Variants in DOCK3 observed in about 807,000 individuals in gnomAD.
DOCK3 encodes dedicator of cytokinesis 3, also known as dedicator of cytokinesis protein 3.
Under a neutral mutation model 265.6 loss-of-function variants are expected in DOCK3, and 60 were observed. The ratio of observed to expected loss-of-function variants is 0.23; its 90% CI spans 0.18 to 0.28. DOCK3 has a LOEUF of 0.28. Ranked by LOEUF, DOCK3 falls within the 10% of genes least tolerant of loss-of-function variation. DOCK3 has a pLI of 1.00. For missense variants in DOCK3, 1,981 were observed against 2,594.3 expected, an observed-to-expected ratio of 0.76 and a Z score of 5.14; for synonymous variants, 881 against 938.0, an observed-to-expected ratio of 0.94 and a Z score of 1.11.
intron 1 of DOCK3, chr3:50,719,938 G>A (rs1275516533): frequency 3.1e-5 from 16 of 510,782 alleles, no homozygotes; most frequent in African/African-American, 1.3e-4. Context: ...AGGGCGTACC[G>A]TCCACAGTGA....
chr3:51,023,739 C>T (rs1448265704), intron 5 of DOCK3, among the ~76,000 whole-genome samples: 1 of 152,086 alleles, frequency 6.6e-6, no homozygotes, highest in Non-Finnish European at 1.5e-5. Context: ...TTATAGTTAT[C>T]TATCTCCCTG....
At chr3:50,839,335 C>T (rs2045687334) in intron 2 of DOCK3, among the ~76,000 whole-genome samples, 1 of 152,110 alleles carries the variant, frequency 6.6e-6, no homozygotes, top group African/African-American at 2.4e-5. Flanking sequence ...AAGTTTTCAA[C>T]TCATTTGGGT....
intron 5 of DOCK3, among the ~76,000 whole-genome samples, chr3:51,045,076 G>C (rs2080716711): frequency 6.6e-6 from 1 of 152,112 alleles, no homozygotes; most frequent in Non-Finnish European, 1.5e-5. Context: ...CAACTTGGTT[G>C]TTTGGTGCAA....
intron 12 of DOCK3, among the ~76,000 whole-genome samples, chr3:51,200,653 G>C (rs1459467469): frequency 6.6e-6 from 1 of 151,500 alleles, no homozygotes; most frequent in Non-Finnish European, 1.5e-5. Flanking sequence ...CAACATTCAG[G>C]TTCAGGAAAT....
At chr3:51,066,154 A>G (rs1013788245) in intron 6 of DOCK3, among the ~76,000 whole-genome samples, 2 of 152,310 alleles carry the variant, frequency 1.3e-5, no homozygotes, top group Non-Finnish European at 2.9e-5. Context: ...AAAGAAATTC[A>G]GTACAAAGGC....
intron 1 of DOCK3, among the ~76,000 whole-genome samples, chr3:50,769,608 C>T (rs904133145): frequency 3.3e-5 from 5 of 151,818 alleles, no homozygotes; most frequent in Admixed American, 6.6e-5. Flanking sequence ...GTCAGGAGTT[C>T]GAGACCAGCC....
intron 5 of DOCK3, among the ~76,000 whole-genome samples, chr3:50,953,961 T>C (rs2076662046): frequency 6.6e-6 from 1 of 152,144 alleles, no homozygotes; most frequent in South Asian, 2.1e-4. Context: ...ATTTCAACTA[T>C]CATTAAGTGT....
intron 1 of DOCK3, among the ~76,000 whole-genome samples, chr3:50,711,408 C>G (rs2036758903): frequency 6.6e-6 from 1 of 151,798 alleles, no homozygotes; most frequent in East Asian, 1.9e-4. Flanking sequence ...ACTACAGGTG[C>G]CCGCCACCAC....
chr3:51,152,853 T>C (rs1463080095), intron 10 of DOCK3, among the ~76,000 whole-genome samples: 1 of 152,202 alleles, frequency 6.6e-6, no homozygotes, highest in African/African-American at 2.4e-5. Context: ...TATTGCTGCC[T>C]GATCCTTCCT....
chr3:51,233,046 T>C (rs2078193807), intron 19 of DOCK3, among the ~76,000 whole-genome samples: 1 of 152,202 alleles, frequency 6.6e-6, no homozygotes, highest in Non-Finnish European at 1.5e-5. Context: ...TAGTTTGAAA[T>C]GGGGTGATGT....
At chr3:51,087,266 A>G (rs755982232) in intron 7 of DOCK3, among the ~76,000 whole-genome samples, 3 of 152,216 alleles carry the variant, frequency 2.0e-5, no homozygotes, top group Non-Finnish European at 2.9e-5. Flanking sequence ...ATCCAACAAC[A>G]TGTCAAAAAG....
intron 27 of DOCK3, among the ~76,000 whole-genome samples, chr3:51,291,999 G>A (rs1402984809): frequency 1.3e-5 from 2 of 152,104 alleles, no homozygotes; most frequent in Non-Finnish European, 2.9e-5. Flanking sequence ...AGAAAAACAT[G>A]ATCATCTCAA....
chr3:50,993,305 TG>T (rs1341956369), intron 5 of DOCK3, among the ~76,000 whole-genome samples: 1 of 152,262 alleles, frequency 6.6e-6, no homozygotes, highest in East Asian at 1.9e-4. Flanking sequence ...CTTCTTTTTC[TG>T]GGTTTTTGCC....
chr3:50,973,049 C>CTTTTTTTTTT lies in DOCK3; in HGVS notation c.315+38987_315+38996dup, dbSNP rs71858027. Among the ~76,000 whole-genome samples, 15 of 19,022 alleles carry CTTTTTTTTTT rather than the reference C, an allele frequency of 7.9e-4. 6 individuals are homozygous for CTTTTTTTTTT. The highest frequency in any genetic ancestry group is 1.1e-3 in the Non-Finnish European group (13 of 11,676). The allele number at this position is 19,022 out of a possible 152,430, so 12.5% of individuals were successfully genotyped here. A position where few individuals can be genotyped will look rare whatever the true frequency, so the allele number is the denominator to read the frequency against. ...ACAATCCGTGGCATTCAGTGTGTTTCTTTTTTTTTTTTTTTTTTTTTTTTG... is the reference window on the plus strand; with the variant it reads ...ACAATCCGTGGCATTCAGTGTGTTTCTTTTTTTTTTTTTTTTTTTTTTTTTTTTTTTTTTG... On this transcript the variant is annotated intron_variant, in intron 5 of 52. Coordinates refer to ENST00000266037, the MANE Select transcript of DOCK3 (RefSeq NM_004947.5).
chr3:51,107,733 C>G (rs371196974), intron 9 of DOCK3, among the ~76,000 whole-genome samples: 1 of 152,136 alleles, frequency 6.6e-6, no homozygotes, highest in Non-Finnish European at 1.5e-5. Context: ...TGAAAGAGAT[C>G]GGGAAAATGG....
intron 2 of DOCK3, among the ~76,000 whole-genome samples, chr3:50,840,536 A>G (rs530725881): frequency 1.3e-5 from 2 of 152,140 alleles, no homozygotes; most frequent in African/African-American, 4.8e-5. Flanking sequence ...ATGTGGGTCT[A>G]TTTCTGGATT....
At chr3:51,253,940 T>C (rs1245157240) in intron 22 of DOCK3, among the ~76,000 whole-genome samples, 1 of 152,214 alleles carries the variant, frequency 6.6e-6, no homozygotes, top group Non-Finnish European at 1.5e-5. Context: ...GCTTCTCTAG[T>C]TCTTTTAATT....
intron 1 of DOCK3, among the ~76,000 whole-genome samples, chr3:50,688,148 A>G (rs1184707911): frequency 6.6e-6 from 1 of 152,218 alleles, no homozygotes; most frequent in Non-Finnish European, 1.5e-5. Context: ...ACTCTTCACC[A>G]ATAGTAAAGG....
chr3:50,962,811 C>G (rs1028217156), intron 5 of DOCK3, among the ~76,000 whole-genome samples: 1 of 152,266 alleles, frequency 6.6e-6, no homozygotes, highest in Admixed American at 6.5e-5. Flanking sequence ...CCATATGCAG[C>G]GTATGTAAAT....
Sources: allele counts gnomAD v4.1 joint callset (sites outside exome capture counted in the v4.1 genomes callset), GRCh38; gene constraint gnomAD v4.1.1; transcripts MANE v1.5; gene names NCBI Gene and HGNC (gene_info 2026-07-23, HGNC 2026-07-21).